Variants in PDILT observed in about 807,000 individuals in gnomAD.
PDILT encodes the protein protein disulfide-isomerase-like protein of the testis.
Under a neutral mutation model 53.7 loss-of-function variants are expected in PDILT, and 43 were observed. That is an observed-to-expected ratio of 0.80 (90% CI 0.63 to 1.03). PDILT has a LOEUF of 1.03. PDILT is among the 50% of genes least tolerant of loss of function. The probability of loss-of-function intolerance (pLI) is 0.00; values close to 1 mark genes in which losing one functional copy is unlikely to be tolerated. For missense variants in PDILT, 727 were observed against 712.3 expected, an observed-to-expected ratio of 1.02 and a Z score of -0.24; for synonymous variants, 282 against 274.2, an observed-to-expected ratio of 1.03 and a Z score of -0.28.
At chr16:20,396,809 C>G (rs1377092121) in intron 2 of PDILT, among the ~76,000 whole-genome samples, 1 of 152,166 alleles carries the variant, frequency 6.6e-6, no homozygotes, top group Non-Finnish European at 1.5e-5. Flanking sequence ...GAGCAGAAAC[C>G]AAGACACTCA....
intron 1 of PDILT, among the ~76,000 whole-genome samples, chr16:20,399,973 A>C (rs1162677909): frequency 1.3e-5 from 2 of 151,980 alleles, no homozygotes; most frequent in Admixed American, 6.6e-5. Context: ...ATCCTTACAG[A>C]TATTGAAAAT....
intron 2 of PDILT, among the ~76,000 whole-genome samples, chr16:20,397,153 T>A (rs1385423838): frequency 2.0e-5 from 3 of 152,172 alleles, no homozygotes; most frequent in Admixed American, 6.5e-5. Context: ...TTATTTATTT[T>A]GAGACAGGTT....
At chr16:20,368,466 C>A (rs1371507228) in intron 8 of PDILT, among the ~76,000 whole-genome samples, 3 of 152,166 alleles carry the variant, frequency 2.0e-5, no homozygotes, top group Non-Finnish European at 4.4e-5. Flanking sequence ...CACGAGACAG[C>A]TTCCACAGAA....
At chr16:20,384,920 G>C in intron 2 of PDILT, 69 bp from the exon 3 acceptor site, 1 of 1,489,618 alleles carries the variant, frequency 6.7e-7, no homozygotes, top group African/African-American at 1.4e-5. Context: ...TAGATTATTT[G>C]TTGGGCCTGC....
chr16:20,399,805 TG>T (rs1966707283), intron 1 of PDILT, among the ~76,000 whole-genome samples: 1 of 151,488 alleles, frequency 6.6e-6, no homozygotes, highest in Admixed American at 6.6e-5. Flanking sequence ...GTTTAATTTT[TG>T]AACAAATTTT....
intron 1 of PDILT, among the ~76,000 whole-genome samples, chr16:20,403,953 G>T (rs1966780597): frequency 6.6e-6 from 1 of 152,044 alleles, no homozygotes; most frequent in Non-Finnish European, 1.5e-5. Flanking sequence ...GGTCTTCCCG[G>T]GCCACTCTGT....
intron 3 of PDILT, among the ~76,000 whole-genome samples, chr16:20,378,690 T>C (rs1966420066): frequency 6.6e-6 from 1 of 152,148 alleles, no homozygotes; most frequent in South Asian, 2.1e-4. Flanking sequence ...AACTCCCACT[T>C]ATGAGTGAGT....
At position 20,362,560 on chromosome 16, in the gene PDILT, G is replaced by T. The variant is rs1437129855; in HGVS notation, c.1260C>A (p.Cys420Ter). 6.2e-7 allele frequency: 1 copy of T among 1,614,034 alleles called. No individual in the cohort carries two copies. Among genetic ancestry groups the T allele is most frequent in the Non-Finnish European group, 8.5e-7 (1 of 1,179,990 alleles). The change falls in exon 10 of 12, where the codon TGC becomes TGA. Residue 420 changes from cysteine to a stop codon, truncating the protein, a stop_gained. Transcript: ENST00000302451. LOFTEE classifies it high-confidence loss of function. ...VMFYAPWSKKCKMLFPLLEEL... is the reference protein window; with the variant it reads ...VMFYAPWSKK ...CCTCCAACAGTGGGAACAGCATCTTGCACTTTTTAGACCAGGGTGCATCTG... is the reference window on the plus strand; with the variant it reads ...CCTCCAACAGTGGGAACAGCATCTTTCACTTTTTAGACCAGGGTGCATCTG...
Position 20,360,631 on chromosome 16 carries a change from GGT to G in PDILT, c.1441_1442del (p.Thr481ProfsTer6). 6.2e-7 allele frequency: 1 copy of G among 1,613,914 alleles called. No individual in the cohort carries two copies. ...QQAVLYKGEH[T>X]LKGFSDFLES... ...CCAGGAAGTCAGAGAAGCCCTTCAG[GGT>G]GTGTTCTCCCTTATACAGGACAGCC... On this transcript the variant is annotated frameshift_variant, in exon 11 of 12. Coordinates refer to ENST00000302451, the MANE Select transcript of PDILT (RefSeq NM_174924.2). LOFTEE classifies it high-confidence loss of function.
intron 8 of PDILT, among the ~76,000 whole-genome samples, chr16:20,368,107 A>T (rs1402888669): frequency 6.6e-6 from 1 of 152,166 alleles, no homozygotes; most frequent in Non-Finnish European, 1.5e-5. Context: ...CTGGAGGGAA[A>T]AATCAGGCAT....
intron 8 of PDILT, among the ~76,000 whole-genome samples, chr16:20,367,850 A>C (rs1346382021): frequency 1.3e-5 from 2 of 152,198 alleles, no homozygotes; most frequent in East Asian, 3.9e-4. Flanking sequence ...CCATGAAGCC[A>C]GTCACCCTCG....
In PDILT at chr16:20,359,488, C is replaced by T. The variant is rs9652588; in HGVS notation, c.1586G>A (p.Gly529Glu). 0.48 allele frequency: 775,155 copies of T among 1,613,026 alleles called. 191,773 individuals are homozygous for T. The highest frequency in any genetic ancestry group is 0.51 in the Non-Finnish European group (604,621 of 1,179,490). The change falls in exon 12 of 12, where the codon GGG becomes GAG. Residue 529 changes from glycine to glutamate, a missense_variant. By Grantham distance (98) the Gly-to-Glu change is moderately conservative. Coordinates refer to ENST00000302451, the MANE Select transcript of PDILT (RefSeq NM_174924.2). Reference sequence around the variant, plus strand: ...CTCAGGCGACTGCTGTTCAGGTAACCCTTTCCTCATCATAGGCACCTCCTT... The same window carrying T: ...CTCAGGCGACTGCTGTTCAGGTAACTCTTTCCTCATCATAGGCACCTCCTT... ...EEKEVPMMRK[G>E]LPEQQSPELE... is the part of the protein sequence containing the mutation.
chr16:20,387,643 A>G (rs980126245), intron 2 of PDILT, among the ~76,000 whole-genome samples: 1 of 149,874 alleles, frequency 6.7e-6, no homozygotes, highest in African/African-American at 2.5e-5. Flanking sequence ...TTTTTTTTAG[A>G]CGGATCTTGT....
intron 5 of PDILT, among the ~76,000 whole-genome samples, chr16:20,374,358 G>C (rs905214273): frequency 1.3e-5 from 2 of 152,074 alleles, no homozygotes; most frequent in Admixed American, 1.3e-4. Context: ...TAACTGGATG[G>C]GAGAGGTGGT....
chr16:20,372,422 T>A (rs771043648), intron 7 of PDILT, among the ~76,000 whole-genome samples: 2 of 152,160 alleles, frequency 1.3e-5, no homozygotes, highest in Non-Finnish European at 2.9e-5. Flanking sequence ...GTCCTTGACC[T>A]CAAACAGCAG....
rs1220281131 is a variant in PDILT, at chr16:20,362,139, C to T, written c.1416+265G>A. On this transcript the variant is annotated intron_variant, in intron 10 of 11. Transcript: ENST00000302451. ...CTAGCAGGAACCATATAAAACCAGGCCTGCCCATCAAAACACCCACATCCA... is the reference window on the plus strand; with the variant it reads ...CTAGCAGGAACCATATAAAACCAGGTCTGCCCATCAAAACACCCACATCCA... Among the ~76,000 whole-genome samples the T allele has an allele frequency of 2.0e-5, 3 of 152,190 alleles. No homozygotes were observed. The East Asian group carries it at 5.8e-4, about 29-fold the overall frequency.
chr16:20,394,505 T>C (rs1418901045), intron 2 of PDILT, among the ~76,000 whole-genome samples: 1 of 152,228 alleles, frequency 6.6e-6, no homozygotes, highest in Non-Finnish European at 1.5e-5. Context: ...AGCACGGCTA[T>C]AGGGCAGTGA....
intron 2 of PDILT, among the ~76,000 whole-genome samples, chr16:20,396,454 A>G (rs1317336716): frequency 1.3e-5 from 2 of 152,148 alleles, no homozygotes; most frequent in Non-Finnish European, 2.9e-5. Context: ...ACTTCTACTA[A>G]CTCTTTGGCT....
intron 3 of PDILT, among the ~76,000 whole-genome samples, chr16:20,381,709 C>T (rs916322978): frequency 1.3e-5 from 2 of 151,556 alleles, no homozygotes; most frequent in East Asian, 3.9e-4. Flanking sequence ...ATGGTTACTG[C>T]TCATCCTAAA....
Sources: allele counts gnomAD v4.1 joint callset (sites outside exome capture counted in the v4.1 genomes callset), GRCh38; gene constraint gnomAD v4.1.1; transcripts MANE v1.5; gene names NCBI Gene and HGNC (gene_info 2026-07-23, HGNC 2026-07-21).